Variants in NRG3 observed in about 807,000 individuals in gnomAD.
The protein encoded by NRG3 is pro-neuregulin-3, membrane-bound isoform.
Under a neutral mutation model 66.9 loss-of-function variants are expected in NRG3, and 31 were observed. That is an observed-to-expected ratio of 0.46 (90% CI 0.35 to 0.63). NRG3 has a LOEUF of 0.63. Among genes scored for constraint, NRG3 ranks in the 20% least tolerant of loss-of-function variants. The pLI is 0.00. For synonymous variants in NRG3, 393 were observed against 359.4 expected, an observed-to-expected ratio of 1.09 and a Z score of -1.06; for missense variants, 910 against 878.9, an observed-to-expected ratio of 1.04 and a Z score of -0.45.
At chr10:82,002,299 A>G (rs1002929242) in intron 1 of NRG3, among the ~76,000 whole-genome samples, 4 of 152,114 alleles carry the variant, frequency 2.6e-5, no homozygotes, top group African/African-American at 7.2e-5. Flanking sequence ...TTGCCTTACC[A>G]TGGGCCTGTC....
At chr10:82,280,209 A>G (rs1216269966) in intron 1 of NRG3, among the ~76,000 whole-genome samples, 1 of 152,196 alleles carries the variant, frequency 6.6e-6, no homozygotes, top group African/African-American at 2.4e-5. Flanking sequence ...CTGAATGTAT[A>G]TTTAATGAAG....
intron 2 of NRG3, among the ~76,000 whole-genome samples, chr10:82,623,091 T>C (rs2049151209): frequency 6.6e-6 from 1 of 152,128 alleles, no homozygotes; most frequent in Admixed American, 6.5e-5. Context: ...TATTTGACTA[T>C]TTCACCCAGG....
intron 3 of NRG3, among the ~76,000 whole-genome samples, chr10:82,777,719 C>T (rs1295963805): frequency 6.6e-6 from 1 of 152,112 alleles, no homozygotes; most frequent in Non-Finnish European, 1.5e-5. Flanking sequence ...CAGTGGAGGA[C>T]AGAGACATTT....
chr10:82,773,950 T>A (rs1474621550), intron 3 of NRG3, among the ~76,000 whole-genome samples: 1 of 152,204 alleles, frequency 6.6e-6, no homozygotes, highest in Non-Finnish European at 1.5e-5. Context: ...TTTCTGCAGC[T>A]GTTGAGCTGA....
intron 4 of NRG3, among the ~76,000 whole-genome samples, chr10:82,871,888 G>A (rs1841377403): frequency 6.6e-6 from 1 of 151,882 alleles, no homozygotes; most frequent in South Asian, 2.1e-4. Context: ...TTTCCAATCT[G>A]TGTACATTTT....
At chr10:82,654,827 C>T (rs1240945692) in intron 2 of NRG3, among the ~76,000 whole-genome samples, 2 of 151,984 alleles carry the variant, frequency 1.3e-5, no homozygotes, top group African/African-American at 4.8e-5. Flanking sequence ...GGAAAGAAAC[C>T]TTCCTTGGTG....
chr10:82,159,855 T>C (rs896570005), intron 1 of NRG3, among the ~76,000 whole-genome samples: 1 of 151,910 alleles, frequency 6.6e-6, no homozygotes, highest in East Asian at 1.9e-4. Flanking sequence ...AAAAGATGCA[T>C]AATTATCTTA....
At chr10:82,358,664 C>G in intron 1 of NRG3, 75 bp from the exon 2 acceptor site, 1 of 1,598,586 alleles carries the variant, frequency 6.3e-7, no homozygotes, top group Non-Finnish European at 8.5e-7. Flanking sequence ...ATACAGAGAT[C>G]CAGAGCCAGT....
At chr10:82,550,431 C>G (rs555971386) in intron 2 of NRG3, among the ~76,000 whole-genome samples, 1 of 152,232 alleles carries the variant, frequency 6.6e-6, no homozygotes, top group African/African-American at 2.4e-5. Flanking sequence ...TTTCACTCCA[C>G]TGACTGGTTC....
At chr10:82,968,866 T>A (rs11818632) in intron 6 of NRG3, among the ~76,000 whole-genome samples, 57,937 of 152,036 alleles carry the variant, frequency 0.38, 11,883 homozygotes, top group Middle Eastern at 0.48. Context: ...GACTCACAGT[T>A]TCATATGGCT....
At chr10:82,044,468 C>G (rs7082184) in intron 1 of NRG3, among the ~76,000 whole-genome samples, 1 of 151,792 alleles carries the variant, frequency 6.6e-6, no homozygotes, top group South Asian at 2.1e-4. Flanking sequence ...CAGAGAAAAA[C>G]CATGCAGACA....
intron 2 of NRG3, among the ~76,000 whole-genome samples, chr10:82,410,453 ATATATATATATG>A (rs1164911090): frequency 1.7e-5 from 1 of 57,428 alleles, no homozygotes; most frequent in Non-Finnish European, 2.8e-5. Flanking sequence ...ATATATACAT[ATATATATATATG>A]TATATATATA....
intron 1 of NRG3, among the ~76,000 whole-genome samples, chr10:82,191,284 C>G (rs1362686922): frequency 6.6e-6 from 1 of 152,054 alleles, no homozygotes; most frequent in Non-Finnish European, 1.5e-5. Flanking sequence ...TTATCTAGGT[C>G]ACAGAATTTT....
intron 1 of NRG3, among the ~76,000 whole-genome samples, chr10:82,342,976 G>A (rs867051348): frequency 4.0e-5 from 6 of 151,890 alleles, no homozygotes; most frequent in East Asian, 1.9e-4. Flanking sequence ...GGTTTCATCC[G>A]TCTGCATATG....
Position 82,013,129 on chromosome 10 carries a change from G to A in NRG3, c.823+136966G>A, listed in dbSNP as rs138313399. On this transcript the variant is annotated intron_variant, in intron 1 of 8. Transcript: ENST00000372141. ...ATTTATAAAGGAAATTGGTTTAATG[G>A]ACTCACAGTTCCTCATGGCTTGGGA... is the stretch of plus-strand genomic sequence containing the variant. 1.4e-4 allele frequency among the ~76,000 whole-genome samples: 21 copies of A among 152,232 alleles called. No homozygotes were observed. The East Asian group carries it at 4.1e-3, about 29-fold the overall frequency.
chr10:82,795,543 A>G (rs1399461968), intron 3 of NRG3, among the ~76,000 whole-genome samples: 3 of 152,202 alleles, frequency 2.0e-5, no homozygotes, highest in Non-Finnish European at 4.4e-5. Flanking sequence ...AAATTTCTTT[A>G]TAGATCTAAT....
intron 1 of NRG3, among the ~76,000 whole-genome samples, chr10:82,281,636 G>A (rs1196631935): frequency 6.6e-6 from 1 of 152,134 alleles, no homozygotes; most frequent in Non-Finnish European, 1.5e-5. Context: ...CTGTAATTGA[G>A]TCCTGACAGT....
intron 2 of NRG3, among the ~76,000 whole-genome samples, chr10:82,386,600 T>C (rs1392713407): frequency 6.6e-6 from 1 of 152,122 alleles, no homozygotes; most frequent in Non-Finnish European, 1.5e-5. Flanking sequence ...ATCTCAAAGG[T>C]CATGAAAAAG....
intron 1 of NRG3, among the ~76,000 whole-genome samples, chr10:82,037,100 A>G (rs1182499822): frequency 6.6e-6 from 1 of 152,160 alleles, no homozygotes; most frequent in African/African-American, 2.4e-5. Context: ...CAGGCAGGGT[A>G]TATTTTAAGT....
Sources: allele counts gnomAD v4.1 joint callset (sites outside exome capture counted in the v4.1 genomes callset), GRCh38; gene constraint gnomAD v4.1.1; transcripts MANE v1.5; gene names NCBI Gene and HGNC (gene_info 2026-07-23, HGNC 2026-07-21).